Variants in ZNF500 observed in about 807,000 individuals in gnomAD.
ZNF500 encodes zinc finger protein with KRAB and SCAN domains 18.
ZNF500 carries 31 observed loss-of-function variants against 30.1 expected under a neutral mutation model. The observed-to-expected ratio is 1.03, with a 90% CI of 0.77 to 1.39. ZNF500 has a LOEUF of 1.39. Ranked by LOEUF, ZNF500 falls within the 40% of genes most tolerant of loss-of-function variation. ZNF500 has a pLI of 0.00. For synonymous variants in ZNF500, 392 were observed against 282.0 expected (o/e 1.39, Z -3.91); for missense variants, 817 against 657.8 (o/e 1.24, Z -2.65).
intron 4 of ZNF500, among the ~76,000 whole-genome samples, chr16:4,761,856 A>AAAAC (rs113304135): frequency 0.088 from 13,268 of 150,364 alleles, 1,128 homozygotes; most frequent in African/African-American, 0.23. Context: ...ACTTTGGCTC[A>AAAAC]AAACAAACAA....
downstream of ZNF500, chr16:4,746,548 A>G: frequency 1.3e-6 from 2 of 1,595,458 alleles, no homozygotes; most frequent in Non-Finnish European, 1.7e-6. Context: ...ACCAGCCTCT[A>G]CTTTGCAGAG....
At position 4,765,783 on chromosome 16, in the gene ZNF500, C is replaced by A. The variant is rs1327520456; in HGVS notation, c.196G>T (p.Glu66Ter). Residue 66 changes from glutamate to a stop codon, truncating the protein, a stop_gained, in exon 2 of 6, where the codon GAG becomes TAG. Transcript: ENST00000219478. LOFTEE classifies it high-confidence loss of function. ...AGCTCCCAGAGGCGGCTCAGGGCCT[C>A]CCGGGGCCCAGCCACCTCCTGGTAG... ...FCYQEVAGPREALSRLWELCC... is the reference protein window; with the variant it reads ...FCYQEVAGPR 1 of 1,612,896 alleles carries A rather than the reference C, an allele frequency of 6.2e-7. No individual in the cohort carries two copies. Among genetic ancestry groups the A allele is most frequent in the African/African-American group, 1.3e-5 (1 of 74,942 alleles).
rs549799582 is a variant in ZNF500, at chr16:4,760,261, G to A, written c.760+231C>T. 4.6e-5 allele frequency among the ~76,000 whole-genome samples: 7 copies of A among 152,262 alleles called. No homozygotes were observed. The East Asian group carries it at 1.2e-3, about 25-fold the overall frequency. ...TGAAGTGAAGTAGGACCAGCATGTA[G>A]GGGGCAGAGGCAGAAGAACAGGATG... is the stretch of plus-strand genomic sequence containing the variant. On this transcript the variant is annotated intron_variant, in intron 5 of 5. Transcript: ENST00000219478.
At chr16:4,753,135 G>C (rs754314340) in intron 5 of ZNF500, 77 bp from the exon 6 acceptor site, 4 of 1,480,662 alleles carry the variant, frequency 2.7e-6, no homozygotes, top group South Asian at 2.8e-5. Context: ...GAAAATGAAG[G>C]CCTCACAGGG....
downstream of ZNF500, chr16:4,747,214 G>C: frequency 2.3e-6 from 3 of 1,290,032 alleles, no homozygotes; most frequent in Non-Finnish European, 3.2e-6. Flanking sequence ...AGCAGTGATG[G>C]GCTGCCTGAA....
Position 4,753,131 on chromosome 16 carries a change from G to T in ZNF500, c.761-73C>A, listed in dbSNP as rs2082103155. On this transcript the variant is annotated intron_variant, in intron 5 of 5. Transcript: ENST00000219478. The stretch of plus-strand genomic sequence containing the variant: ...AGGGAAATCCTTCTAATAGGAAAAT[G>T]AAGGCCTCACAGGGCTCCTAAGGTT... 2.0e-6 allele frequency: 3 copies of T among 1,486,792 alleles called. No individual in the cohort carries two copies. In the African/African-American group the frequency reaches 4.2e-5, roughly 21 times the overall value. 92.1% of individuals were successfully genotyped at this position (1,486,792 alleles called of 1,614,324 possible).
chr16:4,765,554 C>CCCCCA lies in ZNF500; in HGVS notation c.414+6_414+10dup, dbSNP rs1215151160. The stretch of plus-strand genomic sequence containing the variant: ...ATTTCCTCACCTGAGGGTCAAAATG[C>CCCCCA]CCCCACTCACCCGCTGCCTGTGTTT... On this transcript the variant is annotated intron_variant, in intron 2 of 5. Transcript: ENST00000219478. 1 of 1,570,474 alleles carries CCCCCA rather than the reference C, an allele frequency of 6.4e-7. No homozygotes were observed. Among genetic ancestry groups the CCCCCA allele is most frequent in the African/African-American group, 1.4e-5 (1 of 73,884 alleles).
downstream of ZNF500, chr16:4,746,579 G>A: frequency 6.6e-7 from 1 of 1,520,650 alleles, no homozygotes; most frequent in East Asian, 2.3e-5. Context: ...ACCGCACAGA[G>A]CCTCTGGTGG....
At chr16:4,757,850 C>A (rs1266882645) in intron 5 of ZNF500, among the ~76,000 whole-genome samples, 1 of 151,630 alleles carries the variant, frequency 6.6e-6, no homozygotes, top group Non-Finnish European at 1.5e-5. Flanking sequence ...GATCCACCCG[C>A]CTCAGCCTCT....
rs764561346 is a variant in ZNF500 at position 4,765,936 on chromosome 16, G to C, written c.43C>G (p.Gln15Glu). 2 of 1,596,956 alleles carry C rather than the reference G, an allele frequency of 1.3e-6. No homozygotes were observed. The highest frequency in any genetic ancestry group is 2.7e-5 in the African/African-American group (2 of 74,302). The change falls in exon 2 of 6, where the codon CAG becomes GAG. Residue 15 changes from glutamine (Q) to glutamate (E), a missense_variant. Physicochemically the swap from Gln to Glu is conservative, Grantham distance 29. Coordinates refer to ENST00000219478, the MANE Select transcript of ZNF500 (RefSeq NM_021646.4). Reference protein sequence around the residue: ...PGLQPLPTLEQDLEQEEILIV... With the variant: ...PGLQPLPTLEEDLEQEEILIV... ...AGGATCTCTTCCTGTTCCAGGTCCT[G>C]CTCCAAGGTTGGCAGGGGCTGGAGG... is the stretch of plus-strand genomic sequence containing the variant.
chr16:4,747,689 C>T (rs990639938), downstream of ZNF500: 17 of 1,499,376 alleles, frequency 1.1e-5, no homozygotes, highest in African/African-American at 7.0e-5. Flanking sequence ...GGACCCTGGG[C>T]CCCGGTGTCC....
downstream of ZNF500, chr16:4,746,798 C>G: frequency 1.1e-6 from 1 of 898,426 alleles, no homozygotes; most frequent in Non-Finnish European, 1.6e-6. Context: ...AGGACGTCCA[C>G]CGGCCTCCAG....
At position 4,752,796 on chromosome 16, in the gene ZNF500, G is replaced by C; in HGVS notation, c.1023C>G (p.Thr341=). Residue 341 remains threonine (T), a synonymous_variant, in exon 6 of 6, where the codon ACC becomes ACG. Coordinates refer to ENST00000219478, the MANE Select transcript of ZNF500 (RefSeq NM_021646.4). ...GKGFSKTSHL[T]KHQRTHTGER... Reference sequence around the variant, plus strand: ...CGCCCGTGTGTGTGCGCTGGTGCTTGGTCAAGTGGGACGTCTTGCTGAAGC... The same window carrying C: ...CGCCCGTGTGTGTGCGCTGGTGCTTCGTCAAGTGGGACGTCTTGCTGAAGC... 1 of 1,614,242 alleles carries C rather than the reference G, an allele frequency of 6.2e-7. No individual in the cohort carries two copies. Among genetic ancestry groups the C allele is most frequent in the Non-Finnish European group, 8.5e-7 (1 of 1,180,034 alleles).
chr16:4,746,849 C>T (rs114182209), downstream of ZNF500: 230 of 1,327,462 alleles, frequency 1.7e-4, no homozygotes, highest in African/African-American at 2.9e-3. Flanking sequence ...CAGCAAAGCC[C>T]GAGTGCTTCA....
chr16:4,745,767 A>G (rs147663936), downstream of ZNF500, among the ~76,000 whole-genome samples: 499 of 152,218 alleles, frequency 3.3e-3, 2 homozygotes, highest in African/African-American at 0.011. Flanking sequence ...CCTGGCCAAC[A>G]TGGTGAAACC....
intron 1 of ZNF500, 131 bp from the exon 2 acceptor site, chr16:4,766,207 T>A: frequency 2.2e-6 from 1 of 450,650 alleles, no homozygotes; most frequent in Non-Finnish European, 3.9e-6. Flanking sequence ...AGTGGATGAA[T>A]GTCATCTTTG....
rs1567542425 is a variant in ZNF500, at chr16:4,765,810, A to G, written c.169T>C (p.Cys57Arg). ...CGGGGCCCAGCCACCTCCTGGTAGC[A>G]GAAGAGCCGGAAGAGCTGGCGGAAA... ...ETFRQLFRLF[C>R]YQEVAGPREA... Residue 57 changes from cysteine (C) to arginine (R), a missense_variant, in exon 2 of 6, where the codon TGC (cysteine) becomes CGC (arginine). By Grantham distance (180) the Cys-to-Arg change is radical. Transcript: ENST00000219478. The G allele has an allele frequency of 6.2e-7, 1 of 1,613,474 alleles. No individual in the cohort carries two copies.
Position 4,765,569 on chromosome 16 carries a change from T to C in ZNF500, c.410A>G (p.Gln137Arg). The change falls in exon 2 of 6, where the codon CAG (glutamine) becomes CGG (arginine). Residue 137 changes from glutamine to arginine, a missense_variant. By Grantham distance (43) the Gln-to-Arg change is conservative. Coordinates refer to ENST00000219478, the MANE Select transcript of ZNF500 (RefSeq NM_021646.4). Reference sequence around the variant, plus strand: ...GGTCAAAATGCCCCCACTCACCCGCTGCCTGTGTTTCCTGGGCTTCCGCTG... The same window carrying C: ...GGTCAAAATGCCCCCACTCACCCGCCGCCTGTGTTTCCTGGGCTTCCGCTG... ...GLQRKPRKHRQRGSELLSDDE... is the reference protein window; with the variant it reads ...GLQRKPRKHRRRGSELLSDDE... 6.3e-7 allele frequency: 1 copy of C among 1,592,936 alleles called. No individual in the cohort carries two copies. Among genetic ancestry groups the C allele is most frequent in the Non-Finnish European group, 8.6e-7 (1 of 1,167,840 alleles).
At chr16:4,764,118 G>T in intron 2 of ZNF500, 11 of 985,126 alleles carry the variant, frequency 1.1e-5, no homozygotes, top group Non-Finnish European at 1.3e-5. Context: ...TGTCTATAGA[G>T]ATTTCGGTGT....
Sources: allele counts gnomAD v4.1 joint callset (sites outside exome capture counted in the v4.1 genomes callset), GRCh38; gene constraint gnomAD v4.1.1; transcripts MANE v1.5; gene names NCBI Gene and HGNC (gene_info 2026-07-23, HGNC 2026-07-21).